Variants in GLDC observed in about 807,000 individuals in gnomAD.
GLDC encodes glycine dehydrogenase (decarboxylating), mitochondrial.
A neutral mutation model predicts 121.3 loss-of-function variants in GLDC; 104 were observed. That is an observed-to-expected ratio of 0.86 (90% CI 0.73 to 1.01). GLDC has a LOEUF of 1.01. Among genes scored for constraint, GLDC ranks in the 50% least tolerant of loss-of-function variants. GLDC has a pLI of 0.00. For synonymous variants in GLDC, 546 were observed against 480.6 expected (o/e 1.14, Z -1.78); for missense variants, 1,429 against 1,306.6 (o/e 1.09, Z -1.44).
intron 9 of GLDC, among the ~76,000 whole-genome samples, chr9:6,593,347 C>T (rs904522620): frequency 6.6e-6 from 1 of 150,756 alleles, no homozygotes; most frequent in African/African-American, 2.4e-5. Flanking sequence ...GGCTGGAATG[C>T]AGTGGCATGA....
intron 7 of GLDC, among the ~76,000 whole-genome samples, chr9:6,602,411 C>G (rs1818634953): frequency 6.7e-6 from 1 of 148,258 alleles, no homozygotes; most frequent in African/African-American, 2.5e-5. Context: ...GAGTTTCGCT[C>G]TTTCGCCCAG....
At chr9:6,615,458 G>A (rs758185315) in intron 3 of GLDC, among the ~76,000 whole-genome samples, 9 of 151,604 alleles carry the variant, frequency 5.9e-5, no homozygotes, top group Non-Finnish European at 1.2e-4. Flanking sequence ...CGAGGGGCCT[G>A]TAAGTCCCAC....
intron 4 of GLDC, among the ~76,000 whole-genome samples, chr9:6,607,790 C>T (rs1005392906): frequency 8.6e-5 from 13 of 151,532 alleles, no homozygotes; most frequent in Non-Finnish European, 1.6e-4. Flanking sequence ...GTTGGGACTA[C>T]GGGCATGTGC....
At chr9:6,604,853 A>G in intron 6 of GLDC, 69 bp from the exon 7 acceptor site, 1 of 1,276,798 alleles carries the variant, frequency 7.8e-7, no homozygotes, top group Non-Finnish European at 1.1e-6. Flanking sequence ...AGAGTAGGAA[A>G]TTATCTTAAC....
chr9:6,532,706 C>G lies in GLDC; in HGVS notation c.*311G>C, dbSNP rs1817025180. 1 of 381,040 alleles carries G rather than the reference C, an allele frequency of 2.6e-6. No individual in the cohort carries two copies. The highest frequency in any genetic ancestry group is 3.7e-5 in the Admixed American group (1 of 27,030). The allele number at this position is 381,040 out of a possible 1,614,324, so 23.6% of individuals were successfully genotyped here. ...GTCTATTAAGTCTCCAGGATAGCCT[C>G]TATGACATCTGCAAACTTGCCACAT... On this transcript the variant is annotated 3_prime_UTR_variant, in exon 25 of 25. Transcript: ENST00000321612.
rs746578643 is a variant in GLDC at position 6,606,640 on chromosome 9, T to A, written c.665A>T (p.Asp222Val). ...RHNKRRKFLVDPRCHPQTIAV... is the reference protein window; with the variant it reads ...RHNKRRKFLVVPRCHPQTIAV... The stretch of plus-strand genomic sequence containing the variant: ...TATTGTCTGTGGGTGGCAACGGGGA[T>A]CAACGAGAAATTTCCTCCTCTTGTT... The change falls in exon 5 of 25, where the codon GAT (aspartate) becomes GTT (valine). Residue 222 changes from aspartate (D) to valine (V), a missense_variant. Coordinates refer to ENST00000321612, the MANE Select transcript of GLDC (RefSeq NM_000170.3). 1 of 1,609,136 alleles carries A rather than the reference T, an allele frequency of 6.2e-7. No individual in the cohort carries two copies. The highest frequency in any genetic ancestry group is 8.5e-7 in the Non-Finnish European group (1 of 1,175,634).
chr9:6,637,944 C>G (rs1356576784), intron 2 of GLDC, among the ~76,000 whole-genome samples: 2 of 151,430 alleles, frequency 1.3e-5, no homozygotes, highest in Non-Finnish European at 2.9e-5. Context: ...CCACCTTAAC[C>G]TCCCAAAGTG....
intron 1 of GLDC, 153 bp from the exon 2 acceptor site, chr9:6,644,845 G>T (rs1217633471): frequency 3.0e-6 from 2 of 674,586 alleles, no homozygotes; most frequent in Admixed American, 2.4e-5. Context: ...AAGCCAGAAT[G>T]ATTTGGAGGA....
intron 7 of GLDC, among the ~76,000 whole-genome samples, chr9:6,604,031 T>TTTTTC (rs1220849141): frequency 1.3e-5 from 2 of 152,074 alleles, no homozygotes; most frequent in Non-Finnish European, 2.9e-5. Context: ...CCCAGCCCTT[T>TTTTTC]TTTTCTTTTC....
chr9:6,620,112 G>C, intron 3 of GLDC, 72 bp downstream of exon 3: 2 of 1,477,324 alleles, frequency 1.4e-6, no homozygotes, highest in Admixed American at 1.7e-5. Flanking sequence ...GAGACTGCAA[G>C]GGGACAGATG....
chr9:6,556,995 T>G (rs536286534), intron 17 of GLDC, among the ~76,000 whole-genome samples: 2 of 152,130 alleles, frequency 1.3e-5, no homozygotes, highest in African/African-American at 2.4e-5. Context: ...TCATAGTTAA[T>G]CTCTCTGCTC....
intron 2 of GLDC, among the ~76,000 whole-genome samples, chr9:6,634,875 C>T (rs766975220): frequency 2.6e-5 from 4 of 152,198 alleles, no homozygotes; most frequent in Non-Finnish European, 5.9e-5. Flanking sequence ...CTCTGCAAAA[C>T]ACAGGATCAA....
chr9:6,605,736 G>C (rs925223947), intron 5 of GLDC: 2 of 247,518 alleles, frequency 8.1e-6, no homozygotes, highest in Non-Finnish European at 1.6e-5. Context: ...ATGGTGGTAT[G>C]GGTAGGGGGA....
At chr9:6,632,950 C>G (rs72695580) in intron 2 of GLDC, among the ~76,000 whole-genome samples, 1,857 of 152,062 alleles carry the variant, frequency 0.012, 27 homozygotes, top group Middle Eastern at 0.048. Context: ...GATCGAGGGT[C>G]CTCGCCACCC....
chr9:6,597,447 A>G (rs1258778290), intron 8 of GLDC, among the ~76,000 whole-genome samples: 1 of 152,168 alleles, frequency 6.6e-6, no homozygotes, highest in Non-Finnish European at 1.5e-5. Context: ...AAAAGCCAAC[A>G]AGGCTGGATG....
intron 21 of GLDC, chr9:6,541,776 G>A (rs1453010911): frequency 4.2e-5 from 5 of 118,918 alleles, no homozygotes; most frequent in African/African-American, 6.7e-5. Context: ...GCAGTGAGCC[G>A]AGATGGCACC....
intron 21 of GLDC, among the ~76,000 whole-genome samples, chr9:6,550,082 C>T (rs955852985): frequency 1.2e-4 from 18 of 152,190 alleles, no homozygotes; most frequent in African/African-American, 3.4e-4. Flanking sequence ...AGGCTCTCAT[C>T]GGCTACGCTG....
In GLDC at chr9:6,554,712, T is replaced by C. The variant is rs747219893; in HGVS notation, c.2272A>G (p.Ile758Val). The change falls in exon 19 of 25, where the codon ATT becomes GTT. Residue 758 changes from isoleucine (I) to valine (V), a missense_variant. Ile to Val is a conservative substitution (Grantham distance 29). Transcript: ENST00000321612. ...CCAGGACCACCTCCTCCGTGGGGAA[T>C]GCAGAAGGTCTTGTGAAGATTTAGG... ...SHLNLHKTFC[I>V]PHGGGGPGMG... 3.7e-6 allele frequency: 6 copies of C among 1,612,916 alleles called. No homozygotes were observed. The highest frequency in any genetic ancestry group is 1.3e-5 in the African/African-American group (1 of 75,040).
At chr9:6,545,987 G>A (rs1453253461) in intron 21 of GLDC, among the ~76,000 whole-genome samples, 1 of 152,076 alleles carries the variant, frequency 6.6e-6, no homozygotes, top group Non-Finnish European at 1.5e-5. Context: ...AAACCTTTCT[G>A]ACTCTTTTGT....
Sources: gnomAD v4.1 joint callset for allele counts (sites outside exome capture counted in the v4.1 genomes callset) on GRCh38, gnomAD v4.1.1 for gene constraint, MANE v1.5 for transcripts, NCBI Gene and HGNC (gene_info 2026-07-23, HGNC 2026-07-21) for gene names.